Variants in MYH14 observed in about 807,000 individuals in gnomAD.
The protein encoded by MYH14 is myosin-14.
A neutral mutation model predicts 255.5 loss-of-function variants in MYH14; 123 were observed. The observed-to-expected ratio is 0.48, with a 90% CI of 0.42 to 0.56. The LOEUF (loss-of-function observed/expected upper bound fraction) is 0.56. Among genes scored for constraint, MYH14 ranks in the 20% least tolerant of loss-of-function variants. MYH14 has a pLI of 0.00. For missense variants in MYH14, 2,423 were observed against 2,802.3 expected, an observed-to-expected ratio of 0.86 and a Z score of 3.06; for synonymous variants, 1,095 against 1,161.2, an observed-to-expected ratio of 0.94 and a Z score of 1.16.
In MYH14 at chr19:50,263,359, A is replaced by G. The variant is rs2034958955; in HGVS notation, c.2633A>G (p.Gln878Arg). ...QQQQSALRVM[Q>R]RNCAAYLKLR... ...CAGCAGAGCGCCCTGAGGGTGATGC[A>G]GCGGAACTGCGCGGCCTACCTCAAG... is the stretch of plus-strand genomic sequence containing the variant. The change falls in exon 22 of 43, where the codon CAG becomes CGG. Residue 878 changes from glutamine to arginine, a missense_variant. Physicochemically the swap from Gln to Arg is conservative, Grantham distance 43. Around this residue, in one of 3 missense-constraint regions of MYH14, gnomAD observed 1,513 missense variants for 1,674.8 expected, o/e 0.90. Coordinates refer to ENST00000642316, the MANE Select transcript of MYH14 (RefSeq NM_001145809.2). 6.3e-7 allele frequency: 1 copy of G among 1,599,874 alleles called. No individual in the cohort carries two copies. Among genetic ancestry groups the G allele is most frequent in the East Asian group, 2.3e-5 (1 of 44,162 alleles).
At position 50,292,291 on chromosome 19, in the gene MYH14, G is replaced by T. The variant is rs754708576; in HGVS notation, c.5158G>T (p.Glu1720Ter). 1 of 1,601,314 alleles carries T rather than the reference G, an allele frequency of 6.2e-7. No individual in the cohort carries two copies. Among genetic ancestry groups the T allele is most frequent in the Non-Finnish European group, 8.5e-7 (1 of 1,174,744 alleles). Residue 1720 changes from glutamate to a stop codon, truncating the protein, a stop_gained, in exon 37 of 43, where the codon GAG (glutamate) becomes TAG (stop). Transcript: ENST00000642316. LOFTEE classifies it high-confidence loss of function. ...AQMKELWREV[E>*]ETRTSREEIF... ...GATGAAGGAGCTATGGCGGGAGGTG[G>T]AGGAGACACGCACCTCCCGGGAGGA... is the stretch of plus-strand genomic sequence containing the variant.
At chr19:50,287,801 CAGAG>C (rs375585559) in intron 34 of MYH14, among the ~76,000 whole-genome samples, 86 of 152,270 alleles carry the variant, frequency 5.6e-4, no homozygotes, top group African/African-American at 2.0e-3. Context: ...TATGGATGCT[CAGAG>C]AGAGAACACG....
At chr19:50,231,880 C>G (rs1457516225) in intron 9 of MYH14, 50 bp from the exon 10 acceptor site, 1 of 1,607,862 alleles carries the variant, frequency 6.2e-7, no homozygotes, top group East Asian at 2.2e-5. Context: ...CAGGATGAGT[C>G]TGACTGCACA....
Position 50,293,454 on chromosome 19 carries a change from G to A in MYH14, c.5346-110G>A. 2 of 1,544,882 alleles carry A rather than the reference G, an allele frequency of 1.3e-6. No individual in the cohort carries two copies. Among genetic ancestry groups the A allele is most frequent in the South Asian group, 1.2e-5 (1 of 84,718 alleles). ...GGGTTAACCTCGGGGCCCCTGGGGT[G>A]TGAGGCTGGGGAGATGCGTGGGGCT... On this transcript the variant is annotated intron_variant, in intron 38 of 42. Transcript: ENST00000642316. The surrounding 1 kb of genome is among the most constrained non-coding windows in gnomAD (Gnocchi z 4.1).
At chr19:50,254,081 G>A (rs575701541) in intron 16 of MYH14, among the ~76,000 whole-genome samples, 1 of 152,234 alleles carries the variant, frequency 6.6e-6, no homozygotes, top group South Asian at 2.1e-4. Flanking sequence ...GCTGGGCGTG[G>A]TGGCACATGC....
At chr19:50,297,877 A>G (rs1045052615) in intron 39 of MYH14, among the ~76,000 whole-genome samples, 1 of 152,148 alleles carries the variant, frequency 6.6e-6, no homozygotes, top group Non-Finnish European at 1.5e-5. Flanking sequence ...GCGTTAATCA[A>G]TTACAACTGC....
At chr19:50,214,579 C>T (rs1043600222) in intron 2 of MYH14, among the ~76,000 whole-genome samples, 2 of 152,118 alleles carry the variant, frequency 1.3e-5, no homozygotes, top group Non-Finnish European at 1.5e-5. Flanking sequence ...GGTTAAAAGC[C>T]GCATTTTCCA....
rs1555772397 is a variant in MYH14, at chr19:50,273,601, G to GTGTGTGTGTGTGTGTGTGTGTGTGTGT, written c.3467+870_3467+871insTGTGTGTGTGTGTGTGTGTGTGTGTGT. The stretch of plus-strand genomic sequence containing the variant: ...ATCTTAGAGTTGATGGAACATGGGG[G>GTGTGTGTGTGTGTGTGTGTGTGTGTGT]GTGTGTGTGTGTGTGTGTGTGTGTG... On this transcript the variant is annotated intron_variant, in intron 27 of 42. Transcript: ENST00000642316. Among the ~76,000 whole-genome samples, 171 of 137,560 alleles carry GTGTGTGTGTGTGTGTGTGTGTGTGTGT rather than the reference G, an allele frequency of 1.2e-3. 2 individuals are homozygous for GTGTGTGTGTGTGTGTGTGTGTGTGTGT. Among genetic ancestry groups the GTGTGTGTGTGTGTGTGTGTGTGTGTGT allele is most frequent in the African/African-American group, 1.6e-3 (60 of 37,174 alleles). The allele number at this position is 137,560 out of a possible 152,430, so 90.2% of individuals were successfully genotyped here.
chr19:50,222,959 A>G, intron 3 of MYH14, 124 bp from the exon 4 acceptor site: 1 of 969,898 alleles, frequency 1.0e-6, no homozygotes, highest in Non-Finnish European at 1.7e-6. Flanking sequence ...GTTACACATC[A>G]AGACCCAAGC....
At chr19:50,298,447 A>G (rs1349231224) in intron 39 of MYH14, among the ~76,000 whole-genome samples, 2 of 152,076 alleles carry the variant, frequency 1.3e-5, no homozygotes, top group Non-Finnish European at 2.9e-5. Flanking sequence ...GCAAAGCAAT[A>G]TCACAGGTAC....
intron 10 of MYH14, among the ~76,000 whole-genome samples, chr19:50,242,815 C>T (rs1185702947): frequency 6.6e-6 from 1 of 152,140 alleles, no homozygotes; most frequent in Non-Finnish European, 1.5e-5. Context: ...ACACTCAGCT[C>T]ACATCAGACA....
At chr19:50,210,882 C>A (rs1314146393) in intron 2 of MYH14, 112 bp downstream of exon 2, 6 of 1,470,514 alleles carry the variant, frequency 4.1e-6, no homozygotes, top group Non-Finnish European at 5.4e-6. Flanking sequence ...CATCTGTATC[C>A]CATGTCCCGT....
intron 18 of MYH14, among the ~76,000 whole-genome samples, chr19:50,257,774 A>G (rs2034646351): frequency 6.6e-6 from 1 of 152,206 alleles, no homozygotes. Flanking sequence ...GATGGGGAGC[A>G]TAGACATTCA....
At chr19:50,213,340 C>T (rs2032300614) in intron 2 of MYH14, among the ~76,000 whole-genome samples, 1 of 152,164 alleles carries the variant, frequency 6.6e-6, no homozygotes, top group Non-Finnish European at 1.5e-5. Context: ...GGAAGCTGAG[C>T]CTCAGACTAG....
intron 10 of MYH14, among the ~76,000 whole-genome samples, chr19:50,243,310 C>T (rs1462397717): frequency 1.3e-5 from 2 of 152,040 alleles, no homozygotes; most frequent in Non-Finnish European, 2.9e-5. Context: ...GTGGTGTGCA[C>T]CAGTAATCCC....
Position 50,291,308 on chromosome 19 carries a change from G to T in MYH14, c.5127+260G>T, listed in dbSNP as rs193121963. Among the ~76,000 whole-genome samples the T allele has an allele frequency of 0.025, 3,640 of 143,372 alleles. 144 individuals are homozygous for T. The highest frequency in any genetic ancestry group is 0.086 in the African/African-American group (3,399 of 39,502). 94.1% of individuals were successfully genotyped at this position (143,372 alleles called of 152,430 possible). On this transcript the variant is annotated intron_variant, in intron 36 of 42. Coordinates refer to ENST00000642316, the MANE Select transcript of MYH14 (RefSeq NM_001145809.2). ...GTTTGTTTCTTTGTTTGTTCAGTTG[G>T]TTTTTTTTTTTTTGAGACAGTCTCA... is the stretch of plus-strand genomic sequence containing the variant.
rs1412972604 is a variant in MYH14 at position 50,291,010 on chromosome 19, G to A, written c.5089G>A (p.Gly1697Ser). The change falls in exon 36 of 43, where the codon GGC (glycine) becomes AGC (serine). Residue 1697 changes from glycine to serine, a missense_variant. Transcript: ENST00000642316. ...LKAQMASAGQGKEEAVKQLRK... is the reference protein window; with the variant it reads ...LKAQMASAGQSKEEAVKQLRK... ...GGCTCAGATGGCCTCTGCCGGCCAG[G>A]GCAAGGAGGAGGCGGTGAAGCAGCT... 9.3e-6 allele frequency: 15 copies of A among 1,612,878 alleles called. No individual in the cohort carries two copies. The highest frequency in any genetic ancestry group is 1.2e-5 in the Non-Finnish European group (14 of 1,179,618).
At position 50,293,940 on chromosome 19, in the gene MYH14, G is replaced by C. The variant is rs2036177262; in HGVS notation, c.5469+253G>C. On this transcript the variant is annotated intron_variant, in intron 39 of 42. Transcript: ENST00000642316. This position sits in a 1 kb window ranked among gnomAD's most constrained non-coding sequence, Gnocchi z 4.1. ...CAAGTGTGATCATGGAAGTCTCCTGGGCCCAGTAGAGAGAGAGAAAAGACT... is the reference window on the plus strand; with the variant it reads ...CAAGTGTGATCATGGAAGTCTCCTGCGCCCAGTAGAGAGAGAGAAAAGACT... Among the ~76,000 whole-genome samples the C allele has an allele frequency of 6.6e-6, 1 of 152,078 alleles. No individual in the cohort carries two copies. Among genetic ancestry groups the C allele is most frequent in the South Asian group, 2.1e-4 (1 of 4,824 alleles).
intron 39 of MYH14, among the ~76,000 whole-genome samples, chr19:50,296,273 A>G (rs958910886): frequency 2.6e-5 from 4 of 152,078 alleles, no homozygotes; most frequent in African/African-American, 9.7e-5. Context: ...GAGTATCCCT[A>G]TATCCACGTT....
Sources: allele counts gnomAD v4.1 joint callset (sites outside exome capture counted in the v4.1 genomes callset), GRCh38; gene constraint gnomAD v4.1.1; regional missense constraint gnomAD v4.1.1; non-coding constraint Gnocchi (gnomAD v3.1); transcripts MANE v1.5; gene names NCBI Gene and HGNC (gene_info 2026-07-23, HGNC 2026-07-21).